Variants in SCMH1 observed in about 807,000 individuals in gnomAD.
The protein encoded by SCMH1 is polycomb protein SCMH1.
In SCMH1, 37 loss-of-function variants were observed where a neutral mutation model predicts 70.8. The observed-to-expected ratio is 0.52, with a 90% confidence interval of 0.40 to 0.69. The LOEUF (loss-of-function observed/expected upper bound fraction) is 0.69. Among genes scored for constraint, SCMH1 ranks in the 30% least tolerant of loss-of-function variants. The pLI, the probability that SCMH1 is intolerant of heterozygous loss-of-function variation, is 0.00. For missense variants in SCMH1, 607 were observed against 827.3 expected (o/e 0.73, Z 3.27); for synonymous variants, 292 against 307.4 (o/e 0.95, Z 0.52).
intron 1 of SCMH1, among the ~76,000 whole-genome samples, chr1:41,229,214 AG>A (rs968958171): frequency 2.0e-5 from 3 of 152,082 alleles, no homozygotes; most frequent in Non-Finnish European, 4.4e-5. Flanking sequence ...AAAAAAAAAA[AG>A]ATTCATTAAT....
At chr1:41,146,047 A>G (rs1024191691) in intron 5 of SCMH1, among the ~76,000 whole-genome samples, 3 of 152,190 alleles carry the variant, frequency 2.0e-5, no homozygotes, top group Non-Finnish European at 2.9e-5. Flanking sequence ...GTATTCCAGA[A>G]GAAGGCATTG....
At chr1:41,145,986 T>G (rs770667017) in intron 5 of SCMH1, among the ~76,000 whole-genome samples, 5 of 152,320 alleles carry the variant, frequency 3.3e-5, no homozygotes, top group Middle Eastern at 3.4e-3. Flanking sequence ...GTATTCTTTA[T>G]ACGAAAATAA....
chr1:41,053,489 A>T (rs1193259516), intron 10 of SCMH1, among the ~76,000 whole-genome samples: 1 of 152,198 alleles, frequency 6.6e-6, no homozygotes, highest in Non-Finnish European at 1.5e-5. Flanking sequence ...AGGTCCATTT[A>T]AACCAACAGC....
chr1:41,239,755 T>C (rs1220039259), intron 1 of SCMH1, among the ~76,000 whole-genome samples: 1 of 152,172 alleles, frequency 6.6e-6, no homozygotes, highest in African/African-American at 2.4e-5. Flanking sequence ...CTCAGCCTCC[T>C]GAGTAGCTGA....
intron 1 of SCMH1, among the ~76,000 whole-genome samples, chr1:41,240,753 T>C (rs1663349419): frequency 6.6e-6 from 1 of 152,014 alleles, no homozygotes; most frequent in African/African-American, 2.4e-5. Flanking sequence ...TTTCTTTTTT[T>C]TTTTTTTTTA....
intron 2 of SCMH1, among the ~76,000 whole-genome samples, chr1:41,182,771 G>A (rs1208649959): frequency 6.6e-6 from 1 of 152,018 alleles, no homozygotes; most frequent in Non-Finnish European, 1.5e-5. Context: ...GGAAGAAATA[G>A]ACTCTTGGTA....
chr1:41,192,495 GACAC>G (rs55940657), intron 1 of SCMH1, among the ~76,000 whole-genome samples: 125 of 148,664 alleles, frequency 8.4e-4, no homozygotes, highest in East Asian at 2.6e-3. Flanking sequence ...TTAAATAGGA[GACAC>G]ACACACACAC....
chr1:41,242,228 G>A (rs1663752868), upstream of SCMH1: 1 of 144,766 alleles, frequency 6.9e-6, no homozygotes, highest in Non-Finnish European at 1.5e-5. This position sits in a 1 kb window ranked among gnomAD's most constrained non-coding sequence, Gnocchi z 5.2. Context: ...GAGGCGGGGG[G>A]CGGGGCGGGG....
At chr1:41,116,491 A>G (rs773381916) in intron 7 of SCMH1, among the ~76,000 whole-genome samples, 1 of 152,228 alleles carries the variant, frequency 6.6e-6, no homozygotes, top group Non-Finnish European at 1.5e-5. Flanking sequence ...CTTAGTTCAT[A>G]AAGTTAGCTG....
In SCMH1 at chr1:41,116,540, A is replaced by G. The variant is rs534439854; in HGVS notation, c.501+382T>C. ...AGATAGTATATATAAAGTCCCAAAC[A>G]TATCGTAGGCAATAAAAAAAGTCTC... On this transcript the variant is annotated intron_variant, in intron 7 of 14. Transcript: ENST00000337495. Among the ~76,000 whole-genome samples the G allele has an allele frequency of 5.9e-5, 9 of 152,376 alleles. No homozygotes were observed. The East Asian group carries it at 1.5e-3, about 26-fold the overall frequency.
At chr1:41,155,486 T>A (rs1223533218) in intron 4 of SCMH1, among the ~76,000 whole-genome samples, 1 of 150,162 alleles carries the variant, frequency 6.7e-6, no homozygotes, top group Admixed American at 6.6e-5. Flanking sequence ...AAACAAACAA[T>A]ATTTTGCTCC....
intron 2 of SCMH1, among the ~76,000 whole-genome samples, chr1:41,181,925 A>G (rs1235301348): frequency 2.0e-5 from 3 of 152,216 alleles, no homozygotes; most frequent in Non-Finnish European, 2.9e-5. Context: ...CACTATTCAC[A>G]ATAGCAAAGA....
chr1:41,141,822 G>C (rs188300388), intron 6 of SCMH1, among the ~76,000 whole-genome samples: 11 of 148,830 alleles, frequency 7.4e-5, no homozygotes, highest in South Asian at 4.3e-4. Context: ...AAAAAAGAGA[G>C]AGACAGACAG....
intron 1 of SCMH1, among the ~76,000 whole-genome samples, chr1:41,206,805 A>G (rs2148763395): frequency 6.6e-6 from 1 of 152,366 alleles, no homozygotes; most frequent in South Asian, 2.1e-4. Context: ...AGGTCGGGTT[A>G]CCCACAAAAG....
At chr1:41,051,284 T>C (rs1331824342) in intron 10 of SCMH1, among the ~76,000 whole-genome samples, 1 of 152,236 alleles carries the variant, frequency 6.6e-6, no homozygotes, top group Non-Finnish European at 1.5e-5. Flanking sequence ...CTGCCAGGCA[T>C]ATAAAATAAT....
chr1:41,187,793 A>C (rs188864189), intron 1 of SCMH1, among the ~76,000 whole-genome samples: 1 of 149,172 alleles, frequency 6.7e-6, no homozygotes, highest in East Asian at 2.0e-4. Context: ...ACTCAGAAAC[A>C]TGGTGAAACC....
chr1:41,212,482 A>G (rs1456349552), intron 1 of SCMH1, among the ~76,000 whole-genome samples: 1 of 152,256 alleles, frequency 6.6e-6, no homozygotes, highest in East Asian at 1.9e-4. Flanking sequence ...ATATGAGTAC[A>G]TACTTTACAG....
At chr1:41,120,046 T>G (rs1351252061) in intron 6 of SCMH1, among the ~76,000 whole-genome samples, 2 of 152,194 alleles carry the variant, frequency 1.3e-5, no homozygotes, top group African/African-American at 4.8e-5. Flanking sequence ...TTGGTACACC[T>G]ATGGATAAGG....
chr1:41,094,617 T>A lies in SCMH1; in HGVS notation c.745+18666A>T, dbSNP rs551703785. Among the ~76,000 whole-genome samples, 23 of 152,206 alleles carry A rather than the reference T, an allele frequency of 1.5e-4. No homozygotes were observed. The South Asian group carries it at 4.8e-3, about 32-fold the overall frequency. On this transcript the variant is annotated intron_variant, in intron 8 of 14. Transcript: ENST00000337495. ...TAAAAAGAAAAAAAAGAGCCAGGCA[T>A]CATGGCTCACGCCTGTAATCCCAGC... is the stretch of plus-strand genomic sequence containing the variant.
Sources: gnomAD v4.1 joint callset for allele counts (sites outside exome capture counted in the v4.1 genomes callset) on GRCh38, gnomAD v4.1.1 for gene constraint, Gnocchi (gnomAD v3.1) non-coding constraint, MANE v1.5 for transcripts, NCBI Gene and HGNC (gene_info 2026-07-23, HGNC 2026-07-21) for gene names.